Variants in RYR3 observed in about 807,000 individuals in gnomAD.
The protein encoded by RYR3 is brain ryanodine receptor-calcium release channel.
In RYR3, 207 loss-of-function variants were observed where a neutral mutation model predicts 584.3. The ratio of observed to expected loss-of-function variants is 0.35; its 90% CI spans 0.32 to 0.40. The LOEUF is 0.40. Ranked by LOEUF, RYR3 falls within the 10% of genes least tolerant of loss-of-function variation. The pLI is 1.00. For missense variants in RYR3, 5,616 were observed against 6,089.2 expected (o/e 0.92, Z 2.59); for synonymous variants, 2,416 against 2,248.5 (o/e 1.07, Z -2.11).
intron 47 of RYR3, among the ~76,000 whole-genome samples, chr15:33,729,373 C>T (rs772527832): frequency 3.4e-4 from 52 of 152,204 alleles, no homozygotes; most frequent in Middle Eastern, 3.4e-3. Context: ...GAATCCCTGC[C>T]AAAATCAATT....
intron 1 of RYR3, among the ~76,000 whole-genome samples, chr15:33,433,692 T>C (rs2045411392): frequency 6.6e-6 from 1 of 152,226 alleles, no homozygotes; most frequent in Non-Finnish European, 1.5e-5. Flanking sequence ...ACTAAACTGG[T>C]GTGTGAGAAA....
intron 27 of RYR3, among the ~76,000 whole-genome samples, chr15:33,639,702 T>C (rs1281049595): frequency 1.3e-5 from 2 of 152,172 alleles, no homozygotes; most frequent in South Asian, 2.1e-4. Context: ...GGGACAGATA[T>C]TGTAGTTCAT....
intron 65 of RYR3, among the ~76,000 whole-genome samples, chr15:33,783,579 C>A (rs1360521013): frequency 6.6e-6 from 1 of 152,220 alleles, no homozygotes. Flanking sequence ...AAAAAGTGTT[C>A]ATGATGATGT....
chr15:33,635,812 G>A lies in RYR3; in HGVS notation c.3374G>A (p.Gly1125Asp), dbSNP rs1399393661. Reference protein sequence around the residue: ...GADDQAFVFEGNRGQRWHQGS... With the variant: ...GADDQAFVFEDNRGQRWHQGS... ...GATGACCAAGCCTTTGTGTTTGAAG[G>A]CAACAGGGTGAGTTTATATATCTAG... The change falls in exon 26 of 104, where the codon GGC becomes GAC. Residue 1125 changes from glycine (G) to aspartate (D), a missense_variant. Gly to Asp is a moderately conservative substitution (Grantham distance 94, BLOSUM62 -1). This residue lies in a region of RYR3 where 152 missense variants were observed against 200.9 expected (regional missense o/e 0.76). Coordinates refer to ENST00000634891, the MANE Select transcript of RYR3 (RefSeq NM_001036.6). 7.4e-6 allele frequency: 12 copies of A among 1,611,310 alleles called. No individual in the cohort carries two copies. Among genetic ancestry groups the A allele is most frequent in the Admixed American group, 1.7e-5 (1 of 59,870 alleles).
At chr15:33,820,949 G>A in intron 78 of RYR3, 137 bp downstream of exon 78, 1 of 86,188 alleles carries the variant, frequency 1.2e-5, no homozygotes. Context: ...CCCTCAGCAG[G>A]TTTCCCTGTG....
intron 19 of RYR3, among the ~76,000 whole-genome samples, chr15:33,618,568 G>A (rs2060565620): frequency 6.6e-6 from 1 of 152,212 alleles, no homozygotes; most frequent in South Asian, 2.1e-4. Context: ...GGCTAAAGAT[G>A]CAATTATGAA....
chr15:33,513,999 G>T (rs1371079311), intron 3 of RYR3, among the ~76,000 whole-genome samples: 1 of 152,160 alleles, frequency 6.6e-6, no homozygotes, highest in Non-Finnish European at 1.5e-5. Context: ...TACAGCTCAC[G>T]CATTCCATGT....
intron 46 of RYR3, among the ~76,000 whole-genome samples, chr15:33,726,813 A>T (rs1169514219): frequency 6.6e-6 from 1 of 152,246 alleles, no homozygotes; most frequent in African/African-American, 2.4e-5. Context: ...GTCACTGAAC[A>T]CAGAGTTGGG....
At chr15:33,375,277 T>C (rs1035161982) in intron 1 of RYR3, among the ~76,000 whole-genome samples, 1 of 152,202 alleles carries the variant, frequency 6.6e-6, no homozygotes, top group African/African-American at 2.4e-5. Context: ...CACTCAGAAA[T>C]AGCAATTATT....
At chr15:33,817,061 G>C in intron 75 of RYR3, 103 bp downstream of exon 75, 1 of 717,416 alleles carries the variant, frequency 1.4e-6, no homozygotes, top group Non-Finnish European at 2.4e-6. Flanking sequence ...GGAATCGTGT[G>C]TATACAGTTG....
chr15:33,320,140 A>T lies in RYR3; in HGVS notation c.51+9044A>T, dbSNP rs540284581. ...ACTCCAAATCTGTTTGAATGAAAGC[A>T]CTCCCTAGAATGCATGAATATTTTC... On this transcript the variant is annotated intron_variant, in intron 1 of 103. Transcript: ENST00000634891. Among the ~76,000 whole-genome samples the T allele has an allele frequency of 3.9e-5, 6 of 152,198 alleles. No individual in the cohort carries two copies. In the South Asian group the frequency reaches 1.2e-3, roughly 32 times the overall value.
At chr15:33,750,920 G>A (rs1281007994) in intron 57 of RYR3, among the ~76,000 whole-genome samples, 2 of 152,024 alleles carry the variant, frequency 1.3e-5, no homozygotes, top group African/African-American at 2.4e-5. Context: ...CCCGCCCTGT[G>A]TCCATGTGTT....
At chr15:33,415,504 T>A (rs72725481) in intron 1 of RYR3, among the ~76,000 whole-genome samples, 6,574 of 146,460 alleles carry the variant, frequency 0.045, 182 homozygotes, top group Admixed American at 0.076. Flanking sequence ...TACTCTTTTT[T>A]AAAAAAAAAA....
chr15:33,684,795 T>C (rs889507952), intron 38 of RYR3, among the ~76,000 whole-genome samples: 1 of 152,228 alleles, frequency 6.6e-6, no homozygotes, highest in Admixed American at 6.5e-5. Context: ...GGGGCCAATA[T>C]TCAACATTCT....
intron 2 of RYR3, among the ~76,000 whole-genome samples, chr15:33,498,403 G>T (rs1300905034): frequency 6.6e-6 from 1 of 152,044 alleles, no homozygotes; most frequent in Non-Finnish European, 1.5e-5. Context: ...TATCATTGTG[G>T]CTTTGATTTG....
At chr15:33,452,217 T>A (rs57838828) in intron 1 of RYR3, among the ~76,000 whole-genome samples, 14,011 of 152,222 alleles carry the variant, frequency 0.092, 1,679 homozygotes, top group African/African-American at 0.28. Context: ...TTGTTGGTTC[T>A]GCCCTGGTAA....
At position 33,780,303 on chromosome 15, in the gene RYR3, T is replaced by C; in HGVS notation, c.9230T>C (p.Leu3077Pro). The C allele has an allele frequency of 6.2e-7, 1 of 1,613,840 alleles. No individual in the cohort carries two copies. Among genetic ancestry groups the C allele is most frequent in the Non-Finnish European group, 8.5e-7 (1 of 1,179,816 alleles). The change falls in exon 65 of 104, where the codon CTC becomes CCC. Residue 3077 changes from leucine to proline, a missense_variant. This residue lies in a region of RYR3 where 954 missense variants were observed against 1,132.2 expected (regional missense o/e 0.84). Transcript: ENST00000634891. ...CCCACCCTTAATCGCTACAATCCAC[T>C]CTCGGTCTTCAACACCAAAACCCCC... ...LEPTLNRYNP[L>P]SVFNTKTPRE...
intron 38 of RYR3, among the ~76,000 whole-genome samples, chr15:33,671,874 G>T (rs1012670454): frequency 2.2e-5 from 3 of 139,006 alleles, no homozygotes; most frequent in African/African-American, 8.1e-5. Context: ...GAGTGCAGTG[G>T]TGTGATCTCC....
chr15:33,430,348 G>T (rs928299212), intron 1 of RYR3, among the ~76,000 whole-genome samples: 2 of 152,192 alleles, frequency 1.3e-5, no homozygotes, highest in Admixed American at 1.3e-4. Context: ...GCACATCGAG[G>T]CTATACATTG....
Sources: gnomAD v4.1 joint callset for allele counts (sites outside exome capture counted in the v4.1 genomes callset) on GRCh38, gnomAD v4.1.1 for gene constraint, gnomAD v4.1.1 regional missense constraint, MANE v1.5 for transcripts, NCBI Gene and HGNC (gene_info 2026-07-23, HGNC 2026-07-21) for gene names.